Variants in KIAA0825 observed in about 807,000 individuals in gnomAD.
KIAA0825 encodes uncharacterized protein KIAA0825.
Under a neutral mutation model 147.6 loss-of-function variants are expected in KIAA0825, and 119 were observed. The ratio of observed to expected loss-of-function variants is 0.81; its 90% CI spans 0.69 to 0.94. The LOEUF is 0.94. Among genes scored for constraint, KIAA0825 ranks in the 40% least tolerant of loss-of-function variants. The pLI, the probability that KIAA0825 is intolerant of heterozygous loss-of-function variation, is 0.00. For missense variants in KIAA0825, 1,381 were observed against 1,472.7 expected, an observed-to-expected ratio of 0.94 and a Z score of 1.02; for synonymous variants, 470 against 518.1, an observed-to-expected ratio of 0.91 and a Z score of 1.26.
At chr5:94,401,914 TATTCTGTAGTGAAAATAAA>T (rs1316050989) in intron 16 of KIAA0825, among the ~76,000 whole-genome samples, 2 of 152,186 alleles carry the variant, frequency 1.3e-5, no homozygotes, top group African/African-American at 4.8e-5. Context: ...CTCTATCTTA[TATTCTGTAGTGAAAATAAA>T]ATTTTAGAAG....
chr5:94,369,181 T>A (rs1746303989), intron 20 of KIAA0825, among the ~76,000 whole-genome samples: 1 of 151,726 alleles, frequency 6.6e-6, no homozygotes, highest in Non-Finnish European at 1.5e-5. Context: ...AATAAAATAT[T>A]ATTAAGGGGA....
chr5:94,555,495 C>T (rs968337182), intron 2 of KIAA0825, among the ~76,000 whole-genome samples: 1 of 151,924 alleles, frequency 6.6e-6, no homozygotes, highest in African/African-American at 2.4e-5. Context: ...TATTAAAATT[C>T]CTCCATTTAA....
rs567825011 is a variant in KIAA0825 at position 94,316,443 on chromosome 5, T to C, written c.3710+67925A>G. Among the ~76,000 whole-genome samples the C allele has an allele frequency of 5.9e-5, 9 of 151,642 alleles. No individual in the cohort carries two copies. In the South Asian group the frequency reaches 1.9e-3, roughly 32 times the overall value. The stretch of plus-strand genomic sequence containing the variant: ...GGGGACTAGCAAAGAACATCTTAGC[T>C]TCTACTGGTAAGTGAACATGTCTCC... On this transcript the variant is annotated intron_variant, in intron 20 of 20. Transcript: ENST00000682413.
chr5:94,198,516 C>T (rs916714402), intron 20 of KIAA0825, among the ~76,000 whole-genome samples: 6 of 151,826 alleles, frequency 4.0e-5, no homozygotes, highest in African/African-American at 1.5e-4. Context: ...CCAAACACTG[C>T]ATGTTCTCAC....
chr5:94,505,563 C>A (rs944552480), intron 5 of KIAA0825, among the ~76,000 whole-genome samples: 2 of 152,066 alleles, frequency 1.3e-5, no homozygotes, highest in Non-Finnish European at 2.9e-5. Flanking sequence ...AACTAAGCAA[C>A]ACTCATTTGA....
chr5:94,307,193 G>A (rs781678174), intron 20 of KIAA0825, among the ~76,000 whole-genome samples: 3 of 151,724 alleles, frequency 2.0e-5, no homozygotes, highest in African/African-American at 2.4e-5. Flanking sequence ...AGATAGGTGC[G>A]GGAGGTTGTG....
chr5:94,257,584 A>G (rs537062673), intron 20 of KIAA0825, among the ~76,000 whole-genome samples: 2 of 152,208 alleles, frequency 1.3e-5, no homozygotes, highest in East Asian at 3.9e-4. Flanking sequence ...AGGTTAGTCA[A>G]GAGGGTTTCT....
Position 94,379,844 on chromosome 5 carries a change from C to CTTTTTTTTTTTTTT in KIAA0825, c.3710+4510_3710+4523dup, listed in dbSNP as rs59886046. On this transcript the variant is annotated intron_variant, in intron 20 of 20. Coordinates refer to ENST00000682413, the MANE Select transcript of KIAA0825 (RefSeq NM_001145678.3). ...TAGCTGTATTCCTAGGTATTTTATT[C>CTTTTTTTTTTTTTT]TTTTTTTTTTTTTTTTTTTTTTTTT... Among the ~76,000 whole-genome samples, 4 of 55,724 alleles carry CTTTTTTTTTTTTTT rather than the reference C, an allele frequency of 7.2e-5. 1 individual carries two copies. The highest frequency in any genetic ancestry group is 6.6e-5 in the Non-Finnish European group (2 of 30,124). The allele number at this position is 55,724 out of a possible 152,430, so 36.6% of individuals were successfully genotyped here.
At chr5:94,462,606 AAAT>A (rs1184085772) in intron 11 of KIAA0825, 37 bp from the exon 12 acceptor site, 12 of 1,286,872 alleles carry the variant, frequency 9.3e-6, no homozygotes, top group Non-Finnish European at 1.3e-5. Flanking sequence ...ATGTTAAACA[AAAT>A]AATGTCTCTG....
chr5:94,563,951 C>T (rs1402550667), intron 2 of KIAA0825, among the ~76,000 whole-genome samples: 2 of 152,218 alleles, frequency 1.3e-5, no homozygotes, highest in Non-Finnish European at 2.9e-5. Flanking sequence ...TCCCAAACTG[C>T]TGGGATTACA....
intron 17 of KIAA0825, among the ~76,000 whole-genome samples, chr5:94,391,908 G>A (rs1342807381): frequency 6.6e-6 from 1 of 152,026 alleles, no homozygotes; most frequent in African/African-American, 2.4e-5. Context: ...AAATTGAATC[G>A]TTTCTTCTAA....
chr5:94,540,953 T>G (rs914485112), intron 2 of KIAA0825, among the ~76,000 whole-genome samples: 1 of 152,204 alleles, frequency 6.6e-6, no homozygotes, highest in Non-Finnish European at 1.5e-5. Context: ...GAAATGCTCT[T>G]GTATATAAAT....
Position 94,391,628 on chromosome 5 carries a change from CTCAG to C in KIAA0825, c.3359_3362del (p.Thr1120SerfsTer4). 1 of 1,551,570 alleles carries C rather than the reference CTCAG, an allele frequency of 6.4e-7. No individual in the cohort carries two copies. Among genetic ancestry groups the C allele is most frequent in the Non-Finnish European group, 8.7e-7 (1 of 1,146,924 alleles). On this transcript the variant is annotated frameshift_variant, in exon 18 of 21. Coordinates refer to ENST00000682413, the MANE Select transcript of KIAA0825 (RefSeq NM_001145678.3). LOFTEE classifies it high-confidence loss of function. ...CCAGGACCATCGTGTTTATTTTCTG[CTCAG>C]TCAGTTCAAGAGCAACATCTCCTTC... is the stretch of plus-strand genomic sequence containing the variant.
chr5:94,239,243 G>T (rs898646001), intron 20 of KIAA0825, among the ~76,000 whole-genome samples: 1 of 152,136 alleles, frequency 6.6e-6, no homozygotes, highest in Admixed American at 6.6e-5. Flanking sequence ...CTTCATCGGG[G>T]CCAATCTATA....
chr5:94,544,742 A>T (rs888901785), intron 2 of KIAA0825, among the ~76,000 whole-genome samples: 2 of 152,278 alleles, frequency 1.3e-5, no homozygotes, highest in African/African-American at 4.8e-5. Context: ...TATGCAAAAA[A>T]TTATGAGACT....
At chr5:94,205,426 C>T (rs1189344220) in intron 20 of KIAA0825, among the ~76,000 whole-genome samples, 7 of 151,276 alleles carry the variant, frequency 4.6e-5, no homozygotes, top group East Asian at 1.9e-4. Flanking sequence ...CTCAGCCTCC[C>T]GAGTAGCTGG....
chr5:94,408,066 T>G (rs1177293206), intron 15 of KIAA0825, among the ~76,000 whole-genome samples: 6 of 152,182 alleles, frequency 3.9e-5, no homozygotes, highest in African/African-American at 1.4e-4. Flanking sequence ...AATACGTAAG[T>G]GAATAAACAG....
chr5:94,592,734 A>G (rs1315583134), intron 1 of KIAA0825: 1 of 309,836 alleles, frequency 3.2e-6, no homozygotes, highest in Non-Finnish European at 6.2e-6. Context: ...CTAGTTACAG[A>G]CGGTTTTGTT....
At chr5:94,350,045 G>C (rs141785601) in intron 20 of KIAA0825, among the ~76,000 whole-genome samples, 6,242 of 152,152 alleles carry the variant, frequency 0.041, 166 homozygotes, top group Middle Eastern at 0.082. Flanking sequence ...GATTAACCAA[G>C]AAAAGAAGAG....
Sources: gnomAD v4.1 joint callset for allele counts (sites outside exome capture counted in the v4.1 genomes callset) on GRCh38, gnomAD v4.1.1 for gene constraint, MANE v1.5 for transcripts, NCBI Gene and HGNC (gene_info 2026-07-23, HGNC 2026-07-21) for gene names.